The following BMPER variants were observed in gnomAD, a reference collection of about 807,000 sequenced individuals.
The protein encoded by BMPER is BMP binding endothelial regulator.
Under a neutral mutation model 87.3 loss-of-function variants are expected in BMPER, and 45 were observed. The ratio of observed to expected loss-of-function variants is 0.52; its 90% CI spans 0.41 to 0.66. The LOEUF (loss-of-function observed/expected upper bound fraction) is 0.66. Among genes scored for constraint, BMPER ranks in the 30% least tolerant of loss-of-function variants. The pLI, the probability that BMPER is intolerant of heterozygous loss-of-function variation, is 0.00. For synonymous variants in BMPER, 326 were observed against 316.2 expected (o/e 1.03, Z -0.33); for missense variants, 784 against 867.5 (o/e 0.90, Z 1.21).
chr7:33,925,774 A>T (rs2128605848), intron 2 of BMPER, among the ~76,000 whole-genome samples: 1 of 152,300 alleles, frequency 6.6e-6, no homozygotes, highest in Admixed American at 6.5e-5. Context: ...AGTGCACTGG[A>T]ATGTCATCAA....
intron 13 of BMPER, 152 bp from the exon 14 acceptor site, chr7:34,143,078 C>A: frequency 9.5e-7 from 1 of 1,050,650 alleles, no homozygotes; most frequent in Non-Finnish European, 1.4e-6. Flanking sequence ...AAGTTCCACA[C>A]AGAATTTTGC....
chr7:34,068,951 C>G (rs140285211), intron 11 of BMPER, among the ~76,000 whole-genome samples: 1,678 of 152,276 alleles, frequency 0.011, 14 homozygotes, highest in Non-Finnish European at 0.018. Context: ...ATTCTACAGG[C>G]CTCCCTGGAT....
chr7:33,918,283 C>T (rs4720146), intron 2 of BMPER, among the ~76,000 whole-genome samples: 2,733 of 152,302 alleles, frequency 0.018, 91 homozygotes, highest in East Asian at 0.098. Context: ...TGCTCCATGT[C>T]TTATTAAGAG....
chr7:34,135,848 G>T (rs1790704394), intron 13 of BMPER, among the ~76,000 whole-genome samples: 1 of 152,046 alleles, frequency 6.6e-6, no homozygotes, highest in Non-Finnish European at 1.5e-5. Flanking sequence ...CTGAGGAGTG[G>T]GCTAACAATT....
chr7:33,919,491 C>T (rs1174035721), intron 2 of BMPER, among the ~76,000 whole-genome samples: 2 of 152,168 alleles, frequency 1.3e-5, no homozygotes, highest in Admixed American at 1.3e-4. Flanking sequence ...ATGGGATCTT[C>T]TGTATATCCT....
intron 3 of BMPER, among the ~76,000 whole-genome samples, chr7:33,938,793 A>G (rs1051945339): frequency 6.6e-6 from 1 of 152,180 alleles, no homozygotes; most frequent in Non-Finnish European, 1.5e-5. Context: ...TGGGAGGCCA[A>G]AGTGGGCGGA....
intron 13 of BMPER, among the ~76,000 whole-genome samples, chr7:34,138,230 A>G (rs1261698538): frequency 6.6e-6 from 1 of 152,190 alleles, no homozygotes; most frequent in Non-Finnish European, 1.5e-5. Context: ...TGATGCGGGA[A>G]AATAGTTCTG....
rs1323771176 is a variant in BMPER at position 34,086,100 on chromosome 7, C to T, written c.1745+8C>T. Reference sequence around the variant, plus strand: ...CTACGCCACTTTCTACCGGTAAGTACAGTGTTCTGGGGAATGGTTTTGGGT... The same window carrying T: ...CTACGCCACTTTCTACCGGTAAGTATAGTGTTCTGGGGAATGGTTTTGGGT... On this transcript the variant is annotated splice_region_variant and intron_variant, in intron 13 of 14. Transcript: ENST00000649409. 3.1e-6 allele frequency: 5 copies of T among 1,612,864 alleles called. 1 individual carries two copies. The highest frequency in any genetic ancestry group is 2.2e-5 in the South Asian group (2 of 91,034).
intron 13 of BMPER, among the ~76,000 whole-genome samples, chr7:34,134,456 G>T (rs1033771611): frequency 6.6e-6 from 1 of 152,128 alleles, no homozygotes; most frequent in Non-Finnish European, 1.5e-5. Flanking sequence ...GCTCTGCTAG[G>T]ATGGGGCCCA....
chr7:34,111,539 C>T (rs1270263797), intron 13 of BMPER, among the ~76,000 whole-genome samples: 1 of 152,064 alleles, frequency 6.6e-6, no homozygotes, highest in Admixed American at 6.5e-5. Flanking sequence ...AATCTGGATT[C>T]AAGACTTTGG....
intron 1 of BMPER, 22 bp from the exon 2 acceptor site, chr7:33,906,796 A>C (rs1562622291): frequency 6.2e-7 from 1 of 1,600,322 alleles, no homozygotes; most frequent in Non-Finnish European, 8.6e-7. Context: ...TAAATGAAAC[A>C]TTTTTCCCCC....
intron 7 of BMPER, among the ~76,000 whole-genome samples, chr7:34,048,141 C>G (rs527341137): frequency 2.0e-5 from 3 of 152,044 alleles, no homozygotes; most frequent in Non-Finnish European, 4.4e-5. Flanking sequence ...TTACTGTCTT[C>G]AACTCTGAAA....
chr7:33,987,094 T>C (rs1031799116), intron 6 of BMPER, among the ~76,000 whole-genome samples: 1 of 152,146 alleles, frequency 6.6e-6, no homozygotes, highest in Non-Finnish European at 1.5e-5. Flanking sequence ...GTCATTTTCA[T>C]TGCTATCTTG....
chr7:33,925,614 GAAAGACTAGC>G (rs1203833815), intron 2 of BMPER, among the ~76,000 whole-genome samples: 1 of 152,182 alleles, frequency 6.6e-6, no homozygotes, highest in Non-Finnish European at 1.5e-5. Context: ...AAACATAGAT[GAAAGACTAGC>G]AAAGTGTGTT....
At chr7:34,047,244 A>G (rs188299229) in intron 7 of BMPER, among the ~76,000 whole-genome samples, 2 of 151,984 alleles carry the variant, frequency 1.3e-5, no homozygotes, top group East Asian at 3.9e-4. Context: ...GCTTTTGCTT[A>G]TATGCTACCT....
rs73112338 is a variant in BMPER at position 34,100,991 on chromosome 7, C to T, written c.1745+14899C>T. Reference sequence around the variant, plus strand: ...CAGCTTCATTAGCTTGTTAGAAATGCAGACTCCCAGGCCCCACCCCAGGCC... The same window carrying T: ...CAGCTTCATTAGCTTGTTAGAAATGTAGACTCCCAGGCCCCACCCCAGGCC... On this transcript the variant is annotated intron_variant, in intron 13 of 14. Coordinates refer to ENST00000649409, the MANE Select transcript of BMPER (RefSeq NM_001365308.1). Among the ~76,000 whole-genome samples the T allele has an allele frequency of 7.6e-3, 1,150 of 152,294 alleles. 4 individuals are homozygous for T. The highest frequency in any genetic ancestry group is 0.013 in the Non-Finnish European group (870 of 68,028).
At chr7:34,122,751 A>C (rs774217004) in intron 13 of BMPER, among the ~76,000 whole-genome samples, 6 of 152,162 alleles carry the variant, frequency 3.9e-5, no homozygotes, top group Admixed American at 3.3e-4. Context: ...TTTTTTCCAC[A>C]TGCTTTTAAT....
chr7:34,051,723 A>G, intron 7 of BMPER, 138 bp from the exon 8 acceptor site: 1 of 758,202 alleles, frequency 1.3e-6, no homozygotes, highest in East Asian at 2.6e-5. Context: ...GGCATGTCTG[A>G]CCCAAGACTC....
At chr7:34,058,643 G>C (rs1442301953) in intron 10 of BMPER, among the ~76,000 whole-genome samples, 1 of 152,104 alleles carries the variant, frequency 6.6e-6, no homozygotes, top group African/African-American at 2.4e-5. Context: ...TCTAATCCTG[G>C]CCTCCATTGT....
Sources: gnomAD v4.1 joint callset for allele counts (sites outside exome capture counted in the v4.1 genomes callset) on GRCh38, gnomAD v4.1.1 for gene constraint, MANE v1.5 for transcripts, NCBI Gene and HGNC (gene_info 2026-07-23, HGNC 2026-07-21) for gene names.